LYRM4: variants seen among roughly 807,000 people sequenced by gnomAD.
LYRM4 encodes LYR motif containing 4, also known as LYR motif-containing protein 4.
LYRM4 carries 9 observed loss-of-function variants against 11.7 expected under a neutral mutation model. The observed-to-expected ratio is 0.77, with a 90% CI of 0.46 to 1.34. The LOEUF is 1.34. LYRM4 is among the 40% of genes most tolerant of loss of function. The pLI is 0.00. For missense variants in LYRM4, 133 were observed against 112.5 expected (o/e 1.18, Z -0.82); for synonymous variants, 42 against 40.4 (o/e 1.04, Z -0.15).
chr6:5,078,587 T>A, the LYRM4 span, among the ~76,000 whole-genome samples: 4 of 152,144 alleles, frequency 2.6e-5, no homozygotes, highest in Non-Finnish European at 5.9e-5. Flanking sequence ...ATTATTTAAA[T>A]CTCCCTGGCT....
At chr6:5,123,454 C>T (rs542925535) in intron 2 of LYRM4, among the ~76,000 whole-genome samples, 2 of 152,292 alleles carry the variant, frequency 1.3e-5, no homozygotes, top group East Asian at 1.9e-4. Flanking sequence ...ACCCCCACAT[C>T]GCAGGATCTA....
At chr6:5,208,160 A>AGT (rs1761804116) in intron 2 of LYRM4, among the ~76,000 whole-genome samples, 1 of 152,196 alleles carries the variant, frequency 6.6e-6, no homozygotes, top group Non-Finnish European at 1.5e-5. Flanking sequence ...TGTGGTGCAC[A>AGT]GTGTGTGTGT....
At chr6:5,037,009 A>ATTTTTTTTTTT in the LYRM4 span, among the ~76,000 whole-genome samples, 45 of 28,722 alleles carry the variant, frequency 1.6e-3, 10 homozygotes, top group African/African-American at 5.4e-3. Flanking sequence ...TTTAGCTTGT[A>ATTTTTTTTTTT]TTTTTTTTTT....
chr6:5,226,669 G>A (rs1187260002), intron 1 of LYRM4, among the ~76,000 whole-genome samples: 5 of 152,170 alleles, frequency 3.3e-5, no homozygotes, highest in African/African-American at 1.2e-4. Flanking sequence ...GAGCCACCGC[G>A]CCTGGCCCAT....
At chr6:5,208,971 C>T (rs751502851) in intron 2 of LYRM4, among the ~76,000 whole-genome samples, 8 of 152,164 alleles carry the variant, frequency 5.3e-5, no homozygotes, top group Non-Finnish European at 1.2e-4. Context: ...ATAGGGTTCA[C>T]TTAGGGGGCA....
intron 1 of LYRM4, among the ~76,000 whole-genome samples, chr6:5,229,003 C>CAAAAAAA (rs70974180): frequency 1.1e-4 from 4 of 37,966 alleles, no homozygotes; most frequent in African/African-American, 3.4e-4. Flanking sequence ...GGCTCAGTCT[C>CAAAAAAA]AAAAAAAAAA....
the LYRM4 span, among the ~76,000 whole-genome samples, chr6:5,067,494 T>C: frequency 6.6e-6 from 1 of 152,234 alleles, no homozygotes; most frequent in African/African-American, 2.4e-5. Flanking sequence ...TTGAGTGTTC[T>C]CACAACATGG....
chr6:5,123,034 T>C (rs767830096), intron 2 of LYRM4, among the ~76,000 whole-genome samples: 6 of 152,170 alleles, frequency 3.9e-5, no homozygotes, highest in Non-Finnish European at 8.8e-5. Context: ...AGGCTAACGA[T>C]ATTGGGGTCA....
chr6:5,109,356 C>G lies in LYRM4; in HGVS notation c.*67G>C. 1 of 1,606,144 alleles carries G rather than the reference C, an allele frequency of 6.2e-7. No individual in the cohort carries two copies. Among genetic ancestry groups the G allele is most frequent in the South Asian group, 1.1e-5 (1 of 90,786 alleles). ...ATTGTAAGCTGGTTTTGGGAGCCCCCATCTCAAACAGAGAGTGGATGCTGA... is the reference window on the plus strand; with the variant it reads ...ATTGTAAGCTGGTTTTGGGAGCCCCGATCTCAAACAGAGAGTGGATGCTGA... On this transcript the variant is annotated 3_prime_UTR_variant, in exon 3 of 3. Coordinates refer to ENST00000330636, the MANE Select transcript of LYRM4 (RefSeq NM_020408.6).
At chr6:5,046,208 G>A in the LYRM4 span, among the ~76,000 whole-genome samples, 1,336 of 151,978 alleles carry the variant, frequency 8.8e-3, 9 homozygotes, top group Non-Finnish European at 0.013. Flanking sequence ...GTGCAGTGGT[G>A]CAATCTCAGC....
intron 2 of LYRM4, among the ~76,000 whole-genome samples, chr6:5,170,434 T>G (rs1759358977): frequency 6.6e-6 from 1 of 152,144 alleles, no homozygotes; most frequent in Non-Finnish European, 1.5e-5. Flanking sequence ...AAAGGGCCTG[T>G]GACCCAAAAT....
chr6:5,148,584 A>G lies in LYRM4; in HGVS notation c.208-39093T>C, dbSNP rs74527383. ...TCAAGTGCAAAACATGGATGAGAAAATGAGAAAAGTTATAGAAAGTATTTT... is the reference window on the plus strand; with the variant it reads ...TCAAGTGCAAAACATGGATGAGAAAGTGAGAAAAGTTATAGAAAGTATTTT... On this transcript the variant is annotated intron_variant, in intron 2 of 2. Coordinates refer to ENST00000330636, the MANE Select transcript of LYRM4 (RefSeq NM_020408.6). 3.0e-4 allele frequency among the ~76,000 whole-genome samples: 38 copies of G among 125,338 alleles called. No individual in the cohort carries two copies. In the East Asian group the frequency reaches 8.4e-3, roughly 28 times the overall value. 82.2% of individuals were successfully genotyped at this position (125,338 alleles called of 152,430 possible).
chr6:5,119,373 G>A (rs975858770), intron 2 of LYRM4, among the ~76,000 whole-genome samples: 1 of 152,188 alleles, frequency 6.6e-6, no homozygotes, highest in Non-Finnish European at 1.5e-5. Flanking sequence ...GGTGACTATA[G>A]ATAGAGCGCT....
At chr6:5,145,140 C>A (rs1757647331) in intron 2 of LYRM4, among the ~76,000 whole-genome samples, 1 of 152,232 alleles carries the variant, frequency 6.6e-6, no homozygotes, top group African/African-American at 2.4e-5. Flanking sequence ...TTCACACACA[C>A]AATCCATGTG....
At chr6:5,105,303 T>C (rs575349327), downstream of LYRM4, 1 of 152,530 alleles carries the variant, frequency 6.6e-6, no homozygotes, top group East Asian at 1.9e-4. Flanking sequence ...CTGGGGCAGC[T>C]CTGCTCCAGG....
chr6:5,086,029 G>T, the LYRM4 span: 1 of 1,492,162 alleles, frequency 6.7e-7, no homozygotes, highest in Non-Finnish European at 8.9e-7. Flanking sequence ...GGGGCTGCTG[G>T]CCGCGGCGGC....
chr6:5,182,129 AG>A (rs1314754453), intron 2 of LYRM4, among the ~76,000 whole-genome samples: 1 of 152,204 alleles, frequency 6.6e-6, no homozygotes, highest in African/African-American at 2.4e-5. Flanking sequence ...TCCAGGAATC[AG>A]GTGATATCTC....
intron 2 of LYRM4, among the ~76,000 whole-genome samples, chr6:5,137,177 C>T (rs369357516): frequency 6.6e-6 from 1 of 152,140 alleles, no homozygotes; most frequent in African/African-American, 2.4e-5. Flanking sequence ...TACTTGGTTC[C>T]GTTTTACCAC....
intron 1 of LYRM4, among the ~76,000 whole-genome samples, chr6:5,220,000 C>T (rs892986965): frequency 6.6e-6 from 1 of 152,206 alleles, no homozygotes; most frequent in Non-Finnish European, 1.5e-5. Context: ...CTGCCCTTTC[C>T]ACTCTCCTGA....
Sources: allele counts gnomAD v4.1 joint callset (sites outside exome capture counted in the v4.1 genomes callset), GRCh38; gene constraint gnomAD v4.1.1; transcripts MANE v1.5; gene names NCBI Gene and HGNC (gene_info 2026-07-23, HGNC 2026-07-21).